Variants in GBF1 observed in about 807,000 individuals in gnomAD.
The protein encoded by GBF1 is Golgi-specific brefeldin A-resistance guanine nucleotide exchange factor 1.
In GBF1, 114 loss-of-function variants were observed where a neutral mutation model predicts 210.5. That is an observed-to-expected ratio of 0.54 (90% CI 0.47 to 0.63). The LOEUF (loss-of-function observed/expected upper bound fraction) is 0.63, where lower values mean the gene tolerates loss of function less well. Ranked by LOEUF, GBF1 falls within the 30% of genes least tolerant of loss-of-function variation. GBF1 has a pLI of 0.00. For missense variants in GBF1, 1,851 were observed against 2,357.7 expected, an observed-to-expected ratio of 0.79 and a Z score of 4.45; for synonymous variants, 850 against 889.2, an observed-to-expected ratio of 0.96 and a Z score of 0.78.
Position 102,293,778 on chromosome 10 carries a change from T to TTTTTTTC in GBF1, c.163+33668_163+33669insCTTTTTT, listed in dbSNP as rs1554954768. 5.1e-5 allele frequency among the ~76,000 whole-genome samples: 4 copies of TTTTTTTC among 78,874 alleles called. 1 individual carries two copies. Among genetic ancestry groups the TTTTTTTC allele is most frequent in the African/African-American group, 7.9e-5 (2 of 25,466 alleles). 51.7% of individuals were successfully genotyped at this position (78,874 alleles called of 152,430 possible). A position where few individuals can be genotyped will look rare whatever the true frequency, so the allele number is the denominator to read the frequency against. On this transcript the variant is annotated intron_variant, in intron 3 of 39. Coordinates refer to ENST00000369983, the MANE Select transcript of GBF1 (RefSeq NM_001377137.1). ...AGCTGTAGTATGTTTTGTGTTTTTT[T>TTTTTTTC]TTTTTTTTTTTTTTTTTGAGATGGA...
At chr10:102,361,146 A>AG (rs777826340) in intron 13 of GBF1, 26 bp downstream of exon 13, 1 of 1,198,444 alleles carries the variant, frequency 8.3e-7, no homozygotes, top group East Asian at 2.3e-5. Context: ...TGGAAAGAAA[A>AG]GGGGGAAAAA....
intron 7 of GBF1, 116 bp from the exon 8 acceptor site, chr10:102,353,484 C>G (rs1274221036): frequency 1.4e-5 from 11 of 762,120 alleles, no homozygotes; most frequent in African/African-American, 1.2e-4. Context: ...TCTTTTGTAG[C>G]CTTTTCTAAG....
rs1226377182 is a variant in GBF1 at position 102,366,673 on chromosome 10, A to C, written c.2433+167A>C. ...GCAGTCTCAGCACACTGCAACCTCC[A>C]CCCCCCGGGTTCAAGCAATTCTCCT... On this transcript the variant is annotated intron_variant, in intron 19 of 39. Transcript: ENST00000369983. This position sits in a 1 kb window ranked among gnomAD's most constrained non-coding sequence, Gnocchi z 4.0. Among the ~76,000 whole-genome samples the C allele has an allele frequency of 7.2e-6, 1 of 138,592 alleles. No individual in the cohort carries two copies. Among genetic ancestry groups the C allele is most frequent in the Non-Finnish European group, 1.5e-5 (1 of 65,754 alleles). The allele number at this position is 138,592 out of a possible 152,430, so 90.9% of individuals were successfully genotyped here.
chr10:102,260,078 GT>G lies in GBF1; in HGVS notation c.128del (p.Phe43SerfsTer4). 1 of 1,593,620 alleles carries G rather than the reference GT, an allele frequency of 6.3e-7. No homozygotes were observed. Reference sequence around the variant, plus strand: ...GAAGAACGGGATCCTCTGCTGCATAGTTTCGGTCATCTAAAGGAGGTTTTAA... The same window carrying G: ...GAAGAACGGGATCCTCTGCTGCATAGTTCGGTCATCTAAAGGAGGTTTTAA... ...LDEERDPLLH[S>X]FGHLKEVLNS... On this transcript the variant is annotated frameshift_variant, in exon 3 of 40. Transcript: ENST00000369983. LOFTEE classifies it high-confidence loss of function.
In GBF1 at chr10:102,376,565, G is replaced by A. The variant is rs756377113; in HGVS notation, c.4053G>A (p.Gly1351=). Residue 1351 remains glycine (G), a synonymous_variant, in exon 32 of 40, where the codon GGG becomes GGA. Transcript: ENST00000369983. The part of the protein sequence containing the change: ...DVVNSGWLVV[G]KDDVDNSKPG... ...CTCCTCTGTGTACTTTACAGGTTGG[G>A]AAGGATGACGTTGATAACTCCAAGC... is the stretch of plus-strand genomic sequence containing the variant. 1.9e-6 allele frequency: 3 copies of A among 1,613,964 alleles called. No homozygotes were observed. Among genetic ancestry groups the A allele is most frequent in the Non-Finnish European group, 2.5e-6 (3 of 1,180,008 alleles).
chr10:102,353,550 G>T (rs1589749827), intron 7 of GBF1, 50 bp from the exon 8 acceptor site: 2 of 1,260,392 alleles, frequency 1.6e-6, no homozygotes, highest in African/African-American at 1.5e-5. Context: ...CATGGAGGGA[G>T]ACATTTGTCA....
chr10:102,361,133 A>C lies in GBF1; in HGVS notation c.1491+13A>C. 1 of 1,382,604 alleles carries C rather than the reference A, an allele frequency of 7.2e-7. No homozygotes were observed. Among genetic ancestry groups the C allele is most frequent in the Non-Finnish European group, 1.0e-6 (1 of 968,398 alleles). The allele number at this position is 1,382,604 out of a possible 1,614,324, so 85.6% of individuals were successfully genotyped here. On this transcript the variant is annotated intron_variant, in intron 13 of 39. Coordinates refer to ENST00000369983, the MANE Select transcript of GBF1 (RefSeq NM_001377137.1). The stretch of plus-strand genomic sequence containing the variant: ...GTTCCAAATGGAGGTGAGTTTCTTG[A>C]TGTGGAAAGAAAAGGGGGAAAAAAA...
chr10:102,368,982 C>T (rs2060061551), intron 23 of GBF1, 150 bp downstream of exon 23: 2 of 649,350 alleles, frequency 3.1e-6, no homozygotes, highest in Non-Finnish European at 2.7e-6. Context: ...CCATTTCTGT[C>T]TTGCACACTC....
intron 29 of GBF1, among the ~76,000 whole-genome samples, chr10:102,372,325 G>T (rs2060258544): frequency 6.6e-6 from 1 of 151,996 alleles, no homozygotes; most frequent in African/African-American, 2.4e-5. Flanking sequence ...AGACCAGCCT[G>T]ACCAACATGG....
intron 22 of GBF1, 122 bp downstream of exon 22, chr10:102,368,576 G>A: frequency 4.9e-6 from 4 of 819,404 alleles, no homozygotes; most frequent in Middle Eastern, 3.5e-4. Flanking sequence ...TGAGTTTTTG[G>A]AGGGAGGCTG....
intron 7 of GBF1, 143 bp downstream of exon 7, chr10:102,352,661 G>T: frequency 1.5e-6 from 1 of 663,988 alleles, no homozygotes; most frequent in Non-Finnish European, 2.8e-6. Context: ...AGTTCTCTGG[G>T]CCCAGGGTTA....
intron 3 of GBF1, among the ~76,000 whole-genome samples, chr10:102,273,738 A>T (rs565386797): frequency 6.6e-6 from 1 of 152,194 alleles, no homozygotes; most frequent in East Asian, 1.9e-4. Context: ...TTCTATTTAG[A>T]TGGTTGTTTC....
chr10:102,287,300 TA>T (rs1271717546), intron 3 of GBF1, among the ~76,000 whole-genome samples: 1 of 149,118 alleles, frequency 6.7e-6, no homozygotes, highest in Non-Finnish European at 1.5e-5. Flanking sequence ...AGCTTAAAAT[TA>T]AAAAACAAAA....
chr10:102,254,305 G>GT (rs2133947809), intron 1 of GBF1, among the ~76,000 whole-genome samples: 1 of 152,156 alleles, frequency 6.6e-6, no homozygotes, highest in Non-Finnish European at 1.5e-5. Flanking sequence ...AGGCTGTTGT[G>GT]GAAGGATTGC....
chr10:102,380,023 C>A, intron 36 of GBF1, 69 bp downstream of exon 36: 1 of 1,091,384 alleles, frequency 9.2e-7, no homozygotes. Context: ...GAAGCCAGGG[C>A]TTCTGGCAGG....
the GBF1 span, among the ~76,000 whole-genome samples, chr10:102,236,120 G>C: frequency 6.6e-6 from 1 of 152,316 alleles, no homozygotes; most frequent in East Asian, 1.9e-4. Flanking sequence ...ACTCACGTCC[G>C]GGTGGGCTGG....
At chr10:102,326,946 T>C (rs995243277) in intron 3 of GBF1, among the ~76,000 whole-genome samples, 4 of 152,216 alleles carry the variant, frequency 2.6e-5, no homozygotes, top group Admixed American at 6.5e-5. Flanking sequence ...GTAGCCTGAC[T>C]ACCCTTTGCT....
At chr10:102,311,619 GACCCTGTCAGT>G (rs2078442557) in intron 3 of GBF1, among the ~76,000 whole-genome samples, 1 of 152,206 alleles carries the variant, frequency 6.6e-6, no homozygotes, top group Non-Finnish European at 1.5e-5. Context: ...TCTGTCATTT[GACCCTGTCAGT>G]CCCTTGGTGA....
chr10:102,361,763 A>G lies in GBF1; in HGVS notation c.1537A>G (p.Lys513Glu), dbSNP rs1488742448. 1 of 1,612,726 alleles carries G rather than the reference A, an allele frequency of 6.2e-7. No homozygotes were observed. Among genetic ancestry groups the G allele is most frequent in the Admixed American group, 1.7e-5 (1 of 59,724 alleles). Residue 513 changes from lysine to glutamate, a missense_variant, in exon 14 of 40, where the codon AAG becomes GAG. By Grantham distance (56) the Lys-to-Glu change is moderately conservative. This residue lies in a region of GBF1 where 804 missense variants were observed against 958.6 expected (regional missense o/e 0.84). Coordinates refer to ENST00000369983, the MANE Select transcript of GBF1 (RefSeq NM_001377137.1). ...LMEIITVENP[K>E]MPYEMKEMAL... ...GGAGATCATCACTGTGGAGAACCCC[A>G]AGATGCCTTATGAGATGAAGGAGAT...
Sources: gnomAD v4.1 joint callset for allele counts (sites outside exome capture counted in the v4.1 genomes callset) on GRCh38, gnomAD v4.1.1 for gene constraint, gnomAD v4.1.1 regional missense constraint, Gnocchi (gnomAD v3.1) non-coding constraint, MANE v1.5 for transcripts, NCBI Gene and HGNC (gene_info 2026-07-23, HGNC 2026-07-21) for gene names.